The following AKT2 variants were observed in gnomAD, a reference collection of about 807,000 sequenced individuals.
The protein encoded by AKT2 is RAC-beta serine/threonine-protein kinase.
In AKT2, 16 loss-of-function variants were observed where a neutral mutation model predicts 58.6. That is an observed-to-expected ratio of 0.27 (90% CI 0.18 to 0.41). The LOEUF (loss-of-function observed/expected upper bound fraction) is 0.41. Among genes scored for constraint, AKT2 ranks in the 10% least tolerant of loss-of-function variants. AKT2 has a pLI of 1.00. For synonymous variants in AKT2, 253 were observed against 254.0 expected (o/e 1.00, Z 0.04); for missense variants, 438 against 661.0 (o/e 0.66, Z 3.70).
chr19:40,275,771 G>T (rs1327520929), intron 1 of AKT2, among the ~76,000 whole-genome samples: 1 of 100,074 alleles, frequency 1.0e-5, no homozygotes, highest in Non-Finnish European at 2.2e-5. Context: ...GGCTGGGGGG[G>T]GGGGGGGTGG....
At chr19:40,250,077 T>A (rs896519102) in intron 4 of AKT2, among the ~76,000 whole-genome samples, 9 of 152,118 alleles carry the variant, frequency 5.9e-5, no homozygotes, top group Non-Finnish European at 5.9e-5. Context: ...TGAGGGTGCT[T>A]GTGGTAGGAA....
At position 40,232,100 on chromosome 19, in the gene AKT2, CACCCCCACAT is replaced by C; in HGVS notation, c.*1762_*1771del. ...GGCCTGGAGTGGTCTCTGTCCACCC[CACCCCCACAT>C]GCGGGGAGCCTTCCCATACCCCTCA... is the stretch of plus-strand genomic sequence containing the variant. On this transcript the variant is annotated 3_prime_UTR_variant, in exon 14 of 14. Coordinates refer to ENST00000392038, the MANE Select transcript of AKT2 (RefSeq NM_001626.6). 4.3e-6 allele frequency: 1 copy of C among 233,788 alleles called. No homozygotes were observed. Among genetic ancestry groups the C allele is most frequent in the Admixed American group, 5.6e-5 (1 of 17,788 alleles). 14.5% of individuals were successfully genotyped at this position (233,788 alleles called of 1,614,324 possible).
chr19:40,247,644 C>T (rs1974838753), intron 4 of AKT2, among the ~76,000 whole-genome samples: 2 of 152,178 alleles, frequency 1.3e-5, no homozygotes, highest in African/African-American at 4.8e-5. Flanking sequence ...TCTGCACCCG[C>T]TTTTCAGAGA....
intron 3 of AKT2, among the ~76,000 whole-genome samples, chr19:40,256,389 G>A (rs1250425369): frequency 5.3e-5 from 8 of 152,154 alleles, no homozygotes; most frequent in Non-Finnish European, 8.8e-5. Context: ...GAAGGAAGGC[G>A]GCAGAAAGGG....
At position 40,233,850 on chromosome 19, in the gene AKT2, G is replaced by T. The variant is rs778283206; in HGVS notation, c.*22C>A. On this transcript the variant is annotated 3_prime_UTR_variant, in exon 14 of 14. Transcript: ENST00000392038. This position sits in a 1 kb window ranked among gnomAD's most constrained non-coding sequence, Gnocchi z 4.3. ...CCAGCGGTGATGGCAGCGAGCGTGC[G>T]TCCTCTGCGTGGGCAGACTGCTCAC... The T allele has an allele frequency of 1.2e-6, 2 of 1,607,956 alleles. No homozygotes were observed. Among genetic ancestry groups the T allele is most frequent in the Non-Finnish European group, 8.5e-7 (1 of 1,179,190 alleles).
At position 40,242,368 on chromosome 19, in the gene AKT2, A is replaced by G; in HGVS notation, c.441+166T>C. 8.8e-7 allele frequency: 1 copy of G among 1,138,296 alleles called. No individual in the cohort carries two copies. Among genetic ancestry groups the G allele is most frequent in the Non-Finnish European group, 1.3e-6 (1 of 770,916 alleles). The allele number at this position is 1,138,296 out of a possible 1,614,324, so 70.5% of individuals were successfully genotyped here. A position where few individuals can be genotyped will look rare whatever the true frequency, so the allele number is the denominator to read the frequency against. ...GTTGCTCCCTCCCCTACGGGCATGG[A>G]GCACACCCTAGGGCACCTGCCACCT... On this transcript the variant is annotated intron_variant, in intron 5 of 13. Coordinates refer to ENST00000392038, the MANE Select transcript of AKT2 (RefSeq NM_001626.6). This position sits in a 1 kb window ranked among gnomAD's most constrained non-coding sequence, Gnocchi z 4.3.
Position 40,238,052 on chromosome 19 carries a change from C to T in AKT2, c.748G>A (p.Glu250Lys). ...HLSRERVFTEERARFYGAEIV... is the reference protein window; with the variant it reads ...HLSRERVFTEKRARFYGAEIV... The stretch of plus-strand genomic sequence containing the variant: ...TCTGCACCATAAAACCGGGCCCGCT[C>T]CTCTGTGAAGACACGCTCCCGGGAC... The change falls in exon 9 of 14, where the codon GAG (glutamate) becomes AAG (lysine). Residue 250 changes from glutamate (E) to lysine (K), a missense_variant. This residue lies in a region of AKT2 where 244 missense variants were observed against 347.1 expected (regional missense o/e 0.70). Transcript: ENST00000392038. This position sits in a 1 kb window ranked among gnomAD's most constrained non-coding sequence, Gnocchi z 5.1. The T allele has an allele frequency of 6.2e-7, 1 of 1,608,322 alleles. No individual in the cohort carries two copies. The highest frequency in any genetic ancestry group is 2.2e-5 in the East Asian group (1 of 44,726).
chr19:40,233,586 T>TTG lies in AKT2; in HGVS notation c.*284_*285dup, dbSNP rs777531187. ...GCCATGCTTCACCCCTCACTGGGGC[T>TTG]TGTGTGGATTAAAACCTGAATCTCC... is the stretch of plus-strand genomic sequence containing the variant. On this transcript the variant is annotated 3_prime_UTR_variant, in exon 14 of 14. Coordinates refer to ENST00000392038, the MANE Select transcript of AKT2 (RefSeq NM_001626.6). The surrounding 1 kb of genome is among the most constrained non-coding windows in gnomAD (Gnocchi z 4.3). 3.6e-5 allele frequency: 25 copies of TTG among 703,524 alleles called. No homozygotes were observed. The highest frequency in any genetic ancestry group is 2.4e-4 in the Middle Eastern group (1 of 4,210). 43.6% of individuals were successfully genotyped at this position (703,524 alleles called of 1,614,324 possible). A position where few individuals can be genotyped will look rare whatever the true frequency, so the allele number is the denominator to read the frequency against.
At position 40,233,041 on chromosome 19, in the gene AKT2, C is replaced by G. The variant is rs1973793976; in HGVS notation, c.*831G>C. ...CACCCCCGCAGAGGAGAGGGTGAGCCCAGCCCATAGCCCCCAGTGGGGCCA... is the reference window on the plus strand; with the variant it reads ...CACCCCCGCAGAGGAGAGGGTGAGCGCAGCCCATAGCCCCCAGTGGGGCCA... On this transcript the variant is annotated 3_prime_UTR_variant, in exon 14 of 14. Transcript: ENST00000392038. This position sits in a 1 kb window ranked among gnomAD's most constrained non-coding sequence, Gnocchi z 4.3. 1 of 235,688 alleles carries G rather than the reference C, an allele frequency of 4.2e-6. No individual in the cohort carries two copies. Among genetic ancestry groups the G allele is most frequent in the Admixed American group, 5.5e-5 (1 of 18,044 alleles). The allele number at this position is 235,688 out of a possible 1,614,324, so 14.6% of individuals were successfully genotyped here. A position where few individuals can be genotyped will look rare whatever the true frequency, so the allele number is the denominator to read the frequency against.
In AKT2 at chr19:40,241,926, C is replaced by A. The variant is rs1322443367; in HGVS notation, c.573+12G>T. 6.2e-7 allele frequency: 1 copy of A among 1,613,574 alleles called. No homozygotes were observed. The highest frequency in any genetic ancestry group is 1.7e-5 in the Admixed American group (1 of 60,020). On this transcript the variant is annotated intron_variant, in intron 6 of 13. Transcript: ENST00000392038. The stretch of plus-strand genomic sequence containing the variant: ...CACAGAGGCTCGCGAGCGCAATTCC[C>A]GGGGCACGCACCTTGGCAATGATGA...
At chr19:40,272,932 A>G (rs1306558316) in intron 1 of AKT2, among the ~76,000 whole-genome samples, 2 of 152,176 alleles carry the variant, frequency 1.3e-5, no homozygotes, top group African/African-American at 2.4e-5. Flanking sequence ...TCATCTGTAT[A>G]TTAGAGATAA....
chr19:40,250,133 C>A (rs1169121798), intron 4 of AKT2, among the ~76,000 whole-genome samples: 5 of 152,228 alleles, frequency 3.3e-5, no homozygotes, highest in Non-Finnish European at 7.3e-5. Context: ...CTGCAGGACA[C>A]AGCACGGACC....
intron 1 of AKT2, among the ~76,000 whole-genome samples, chr19:40,270,034 A>C (rs577870331): frequency 2.6e-3 from 402 of 152,276 alleles, no homozygotes; most frequent in Non-Finnish European, 4.4e-3. Context: ...GCCAGGATAC[A>C]TGGGGACGCC....
In AKT2 at chr19:40,241,683, T is replaced by C. The variant is rs1204712053; in HGVS notation, c.573+255A>G. On this transcript the variant is annotated intron_variant, in intron 6 of 13. Transcript: ENST00000392038. The stretch of plus-strand genomic sequence containing the variant: ...GGCCCCAGCCTCCCTTGACAGTACC[T>C]GCTGGGTGGGGCCCCGAGGCTCTCT... 9.6e-6 allele frequency: 5 copies of C among 518,296 alleles called. 1 individual carries two copies. The highest frequency in any genetic ancestry group is 1.7e-5 in the Non-Finnish European group (5 of 288,290). The allele number at this position is 518,296 out of a possible 1,614,324, so 32.1% of individuals were successfully genotyped here. A position where few individuals can be genotyped will look rare whatever the true frequency, so the allele number is the denominator to read the frequency against.
intron 1 of AKT2, among the ~76,000 whole-genome samples, chr19:40,278,248 T>C (rs1022358282): frequency 6.6e-6 from 1 of 152,248 alleles, no homozygotes; most frequent in African/African-American, 2.4e-5. Context: ...TCAACCATCA[T>C]GCCTATTACT....
intron 4 of AKT2, among the ~76,000 whole-genome samples, chr19:40,250,702 C>T (rs918098409): frequency 6.6e-6 from 1 of 151,982 alleles, no homozygotes; most frequent in Non-Finnish European, 1.5e-5. Context: ...GTGGCAGGCG[C>T]CTGTAGTTCT....
chr19:40,262,147 C>G (rs544752267), intron 2 of AKT2, among the ~76,000 whole-genome samples: 18 of 151,840 alleles, frequency 1.2e-4, no homozygotes, highest in Admixed American at 1.1e-3. Context: ...TGGCTCACAA[C>G]TGTAATCCCA....
intron 7 of AKT2, 31 bp from the exon 8 acceptor site, chr19:40,239,004 G>A (rs2145185304): frequency 1.2e-6 from 2 of 1,608,236 alleles, no homozygotes; most frequent in Non-Finnish European, 1.7e-6. Flanking sequence ...GGTGGGAGGT[G>A]GGAGGGAGGA....
At chr19:40,254,795 C>T (rs1975417240) in intron 4 of AKT2, among the ~76,000 whole-genome samples, 1 of 151,890 alleles carries the variant, frequency 6.6e-6, no homozygotes, top group Non-Finnish European at 1.5e-5. Context: ...AAGATCATGC[C>T]ACTGCATTCC....
Sources: allele counts gnomAD v4.1 joint callset (sites outside exome capture counted in the v4.1 genomes callset), GRCh38; gene constraint gnomAD v4.1.1; regional missense constraint gnomAD v4.1.1; non-coding constraint Gnocchi (gnomAD v3.1); transcripts MANE v1.5; gene names NCBI Gene and HGNC (gene_info 2026-07-23, HGNC 2026-07-21).